Variants in MAPK6 observed in about 807,000 individuals in gnomAD.
MAPK6 encodes mitogen-activated protein kinase 6.
A neutral mutation model predicts 59.3 loss-of-function variants in MAPK6; 19 were observed. The ratio of observed to expected loss-of-function variants is 0.32; its 90% CI spans 0.22 to 0.47. MAPK6 has a LOEUF of 0.47. MAPK6 is among the 20% of genes least tolerant of loss of function. The pLI is 1.00. For synonymous variants in MAPK6, 316 were observed against 290.3 expected (o/e 1.09, Z -0.90); for missense variants, 724 against 847.9 (o/e 0.85, Z 1.81).
In MAPK6 at chr15:52,031,303, A is replaced by G. The variant is rs560940285; in HGVS notation, c.-632+11927A>G. Among the ~76,000 whole-genome samples the G allele has an allele frequency of 3.3e-5, 5 of 152,320 alleles. No individual in the cohort carries two copies. The East Asian group carries it at 7.7e-4, about 24-fold the overall frequency. On this transcript the variant is annotated intron_variant, in intron 1 of 5. Transcript: ENST00000261845. ...TGGGGAGTGAAGGGAGATATGTACT[A>G]TACTTGTCAATAAAAAAATAAGTTA...
chr15:52,004,839 GTTGCCAACATACGCTTT>G (rs1247766965), intron 3 of MAPK6, among the ~76,000 whole-genome samples: 2 of 152,162 alleles, frequency 1.3e-5, no homozygotes, highest in Non-Finnish European at 2.9e-5. Context: ...TGGGGATTAA[GTTGCCAACATACGCTTT>G]TTGGGGAACA....
chr15:51,983,670 C>A (rs1017676350), intron 2 of MAPK6, among the ~76,000 whole-genome samples: 1 of 151,756 alleles, frequency 6.6e-6, no homozygotes, highest in Non-Finnish European at 1.5e-5. Context: ...AATTAGCTGG[C>A]ATGGCACATG....
intron 3 of MAPK6, among the ~76,000 whole-genome samples, chr15:52,053,073 T>C (rs2141102232): frequency 6.7e-6 from 1 of 149,542 alleles, no homozygotes; most frequent in East Asian, 1.9e-4. Context: ...CATTGTGGTT[T>C]TTTTTTTTTT....
chr15:52,021,998 G>A (rs887024912), intron 1 of MAPK6, among the ~76,000 whole-genome samples: 7 of 152,064 alleles, frequency 4.6e-5, no homozygotes, highest in Non-Finnish European at 8.8e-5. Context: ...CTTAAAATAA[G>A]ATTGAGAGGG....
At chr15:52,024,951 C>G (rs2030706688) in intron 1 of MAPK6, among the ~76,000 whole-genome samples, 1 of 144,494 alleles carries the variant, frequency 6.9e-6, no homozygotes, top group African/African-American at 2.5e-5. Context: ...AAACTCCTGG[C>G]CTCCTAACGT....
exon 1 of MAPK6, chr15:51,971,836 G>A: frequency 7.2e-7 from 1 of 1,391,262 alleles, no homozygotes; most frequent in South Asian, 1.2e-5. Flanking sequence ...GTGTCGCAAA[G>A]ATTCGCCGAA....
intron 1 of MAPK6, among the ~76,000 whole-genome samples, chr15:52,020,655 A>C (rs2030490164): frequency 6.6e-6 from 1 of 152,250 alleles, no homozygotes; most frequent in Non-Finnish European, 1.5e-5. Context: ...AGAAGAATGT[A>C]GGGTCCAAAC....
chr15:52,005,108 A>C (rs968884835), intron 3 of MAPK6, among the ~76,000 whole-genome samples: 1 of 152,198 alleles, frequency 6.6e-6, no homozygotes, highest in Non-Finnish European at 1.5e-5. Flanking sequence ...CACATTAAAC[A>C]CTGAGGAAAC....
intron 3 of MAPK6, among the ~76,000 whole-genome samples, chr15:52,050,692 A>G (rs952191336): frequency 6.6e-6 from 1 of 152,216 alleles, no homozygotes; most frequent in African/African-American, 2.4e-5. Context: ...GAAGCTATGC[A>G]TCAGTGATTG....
intron 1 of MAPK6, among the ~76,000 whole-genome samples, chr15:52,032,978 C>G (rs2031098197): frequency 6.6e-6 from 1 of 152,074 alleles, no homozygotes; most frequent in African/African-American, 2.4e-5. Flanking sequence ...AGCCACCGCG[C>G]CCGGCCTCCT....
At position 52,055,643 on chromosome 15, in the gene MAPK6, G is replaced by A. The variant is rs1429671348; in HGVS notation, c.701-2990G>A. On this transcript the variant is annotated intron_variant, in intron 3 of 5. Coordinates refer to ENST00000261845, the MANE Select transcript of MAPK6 (RefSeq NM_002748.4). ...CGATTCTCCTGCCTCAGCCTCCCGA[G>A]TAGCTGGGACTATAGGTGCATGCCT... Among the ~76,000 whole-genome samples, 4 of 152,116 alleles carry A rather than the reference G, an allele frequency of 2.6e-5. No individual in the cohort carries two copies. The East Asian group carries it at 7.7e-4, about 29-fold the overall frequency.
intron 1 of MAPK6, among the ~76,000 whole-genome samples, chr15:52,041,376 A>C (rs918828631): frequency 8.6e-5 from 13 of 152,018 alleles, no homozygotes; most frequent in African/African-American, 3.1e-4. Flanking sequence ...TTGTATTTTT[A>C]GTAGAGATGG....
intron 1 of MAPK6, among the ~76,000 whole-genome samples, chr15:52,029,332 A>G (rs2030937447): frequency 6.6e-6 from 1 of 151,990 alleles, no homozygotes; most frequent in South Asian, 2.1e-4. Flanking sequence ...TAATTATTAA[A>G]CAGGCTTCTC....
At chr15:52,021,572 C>T (rs1413071518) in intron 1 of MAPK6, 1 of 152,034 alleles carries the variant, frequency 6.6e-6, no homozygotes, top group East Asian at 1.9e-4. Flanking sequence ...AAGGTAAAAC[C>T]AATTTCTGGT....
At chr15:52,036,744 T>C (rs781050739) in intron 1 of MAPK6, among the ~76,000 whole-genome samples, 5 of 152,198 alleles carry the variant, frequency 3.3e-5, no homozygotes, top group Non-Finnish European at 7.4e-5. Context: ...AAAATTTTGT[T>C]TTTAAATCTC....
intron 1 of MAPK6, among the ~76,000 whole-genome samples, chr15:52,032,186 ATTTTTTT>A (rs566086048): frequency 1.6e-4 from 15 of 92,484 alleles, no homozygotes; most frequent in East Asian, 3.0e-4. Context: ...ACAATTTTTA[ATTTTTTT>A]TTTTTTTTTT....
chr15:52,016,383 C>A (rs1374655869), upstream of MAPK6, among the ~76,000 whole-genome samples: 2 of 151,178 alleles, frequency 1.3e-5, no homozygotes, highest in Admixed American at 1.3e-4. Flanking sequence ...GAGCAAAACT[C>A]CATCTCAAAA....
Position 52,064,135 on chromosome 15 carries a change from A to C in MAPK6, c.1301A>C (p.Lys434Thr), listed in dbSNP as rs1467091337. 6.2e-7 allele frequency: 1 copy of C among 1,612,324 alleles called. No homozygotes were observed. The highest frequency in any genetic ancestry group is 1.3e-5 in the African/African-American group (1 of 74,894). ...CAATACTCAGATCATCATGAAAACA[A>C]ATATTGTGATCTGGAGTGTAGCCAT... ...CWQYSDHHEN[K>T]YCDLECSHTC... is the part of the protein sequence containing the mutation. The change falls in exon 6 of 6, where the codon AAA becomes ACA. Residue 434 changes from lysine to threonine, a missense_variant. This residue lies in a region of MAPK6 where 502 missense variants were observed against 507.6 expected (regional missense o/e 0.99). Coordinates refer to ENST00000261845, the MANE Select transcript of MAPK6 (RefSeq NM_002748.4).
chr15:51,976,833 A>G (rs953590021), intron 1 of MAPK6, among the ~76,000 whole-genome samples: 2 of 151,564 alleles, frequency 1.3e-5, no homozygotes, highest in African/African-American at 4.8e-5. Flanking sequence ...AATCTCAGCT[A>G]CTCAGGAAGC....
Sources: allele counts gnomAD v4.1 joint callset (sites outside exome capture counted in the v4.1 genomes callset), GRCh38; gene constraint gnomAD v4.1.1; regional missense constraint gnomAD v4.1.1; transcripts MANE v1.5; gene names NCBI Gene and HGNC (gene_info 2026-07-23, HGNC 2026-07-21).